EBF1: variants seen among roughly 807,000 people sequenced by gnomAD.
The protein encoded by EBF1 is transcription factor COE1.
In EBF1, 10 loss-of-function variants were observed where a neutral mutation model predicts 68.4. That is an observed-to-expected ratio of 0.15 (90% CI 0.09 to 0.25). EBF1 has a LOEUF of 0.25. Among genes scored for constraint, EBF1 ranks in the 10% least tolerant of loss-of-function variants. The pLI is 1.00. For synonymous variants in EBF1, 298 were observed against 299.8 expected, an observed-to-expected ratio of 0.99 and a Z score of 0.06; for missense variants, 509 against 794.4, an observed-to-expected ratio of 0.64 and a Z score of 4.32.
Position 158,698,992 on chromosome 5 carries a change from T to C in EBF1, c.*119A>G. The C allele has an allele frequency of 1.1e-6, 1 of 909,238 alleles. No individual in the cohort carries two copies. Among genetic ancestry groups the C allele is most frequent in the Non-Finnish European group, 1.6e-6 (1 of 618,694 alleles). 56.3% of individuals were successfully genotyped at this position (909,238 alleles called of 1,614,324 possible). On this transcript the variant is annotated 3_prime_UTR_variant, in exon 16 of 16. Transcript: ENST00000313708. The stretch of plus-strand genomic sequence containing the variant: ...ATTTTGTTTGTTTAAAAATCTGCAG[T>C]TATTGTGATTCCTCTTAAAAAGGCC...
chr5:159,059,197 A>G (rs1775337418), intron 6 of EBF1, among the ~76,000 whole-genome samples: 1 of 152,248 alleles, frequency 6.6e-6, no homozygotes. Flanking sequence ...AAGAGCTGGT[A>G]AGAAGAGAAA....
intron 6 of EBF1, among the ~76,000 whole-genome samples, chr5:158,998,596 G>C (rs183928655): frequency 2.6e-4 from 39 of 152,218 alleles, no homozygotes; most frequent in African/African-American, 9.4e-4. Flanking sequence ...TCAATCATTT[G>C]TCTATCATTT....
chr5:158,779,836 G>A (rs929694204), intron 9 of EBF1, among the ~76,000 whole-genome samples: 10 of 152,254 alleles, frequency 6.6e-5, no homozygotes, highest in African/African-American at 2.2e-4. Context: ...ACTACAGACT[G>A]AGAGTGAGGC....
chr5:159,057,879 T>C (rs1042538551), intron 6 of EBF1, among the ~76,000 whole-genome samples: 1 of 152,206 alleles, frequency 6.6e-6, no homozygotes, highest in Admixed American at 6.5e-5. Flanking sequence ...TGTGAAATGA[T>C]ACAAAAAAAT....
chr5:158,899,488 C>T (rs1802846201), intron 6 of EBF1, among the ~76,000 whole-genome samples: 1 of 152,154 alleles, frequency 6.6e-6, no homozygotes, highest in South Asian at 2.1e-4. Flanking sequence ...TTTATGAGTG[C>T]CGTGTGCACA....
Position 159,020,125 on chromosome 5 carries a change from C to A in EBF1, c.554+53271G>T, listed in dbSNP as rs1378589395. On this transcript the variant is annotated intron_variant, in intron 6 of 15. Transcript: ENST00000313708. ...CTCCTATGTCAGTCAAACTCCTTTG[C>A]CAGGATTCTAAGTGTCCTTACCTCA... is the stretch of plus-strand genomic sequence containing the variant. Among the ~76,000 whole-genome samples the A allele has an allele frequency of 3.9e-5, 6 of 152,058 alleles. No homozygotes were observed. In the East Asian group the frequency reaches 9.6e-4, roughly 24 times the overall value.
chr5:159,028,228 C>T (rs1278097173), intron 6 of EBF1, among the ~76,000 whole-genome samples: 1 of 152,090 alleles, frequency 6.6e-6, no homozygotes, highest in East Asian at 1.9e-4. Flanking sequence ...GGCATCATGG[C>T]AATAGGAGGA....
intron 6 of EBF1, among the ~76,000 whole-genome samples, chr5:158,952,789 T>A (rs545079400): frequency 1.3e-5 from 2 of 152,312 alleles, no homozygotes; most frequent in African/African-American, 4.8e-5. Context: ...GAAAATTAAT[T>A]CAATTCAGAT....
chr5:158,964,190 C>T (rs556696167), intron 6 of EBF1, among the ~76,000 whole-genome samples: 17 of 152,178 alleles, frequency 1.1e-4, no homozygotes, highest in South Asian at 6.2e-4. Flanking sequence ...TCAGAGTTCA[C>T]GGTGAGTGTG....
At chr5:158,971,512 G>T (rs1211257944) in intron 6 of EBF1, among the ~76,000 whole-genome samples, 2 of 152,034 alleles carry the variant, frequency 1.3e-5, no homozygotes, top group Non-Finnish European at 2.9e-5. Flanking sequence ...GGTTGCTTTT[G>T]CTTCGGTTGC....
intron 6 of EBF1, among the ~76,000 whole-genome samples, chr5:159,031,314 G>A (rs1487009332): frequency 6.6e-6 from 1 of 152,212 alleles, no homozygotes; most frequent in Non-Finnish European, 1.5e-5. Flanking sequence ...CCTGTATGTG[G>A]AATTCTTTAA....
At chr5:158,762,014 G>A (rs965335880) in intron 10 of EBF1, among the ~76,000 whole-genome samples, 3 of 152,140 alleles carry the variant, frequency 2.0e-5, no homozygotes, top group Non-Finnish European at 4.4e-5. Context: ...ATAAAATGGG[G>A]AGTACTTTAT....
At chr5:158,862,228 T>C (rs1416133174) in intron 6 of EBF1, among the ~76,000 whole-genome samples, 2 of 151,436 alleles carry the variant, frequency 1.3e-5, no homozygotes, top group Non-Finnish European at 2.9e-5. Flanking sequence ...GAAAAAAAAA[T>C]GTTGGCAAAG....
At chr5:158,970,310 T>C (rs1561665725) in intron 6 of EBF1, among the ~76,000 whole-genome samples, 1 of 152,194 alleles carries the variant, frequency 6.6e-6, no homozygotes, top group Non-Finnish European at 1.5e-5. Flanking sequence ...TTAATTACAC[T>C]AGCAAACCAA....
intron 10 of EBF1, among the ~76,000 whole-genome samples, chr5:158,754,731 CA>C (rs923892228): frequency 1.3e-5 from 2 of 151,966 alleles, no homozygotes; most frequent in African/African-American, 2.4e-5. Context: ...TTGACCAGAT[CA>C]AAAACACCAT....
At chr5:158,975,660 C>T (rs768114099) in intron 6 of EBF1, among the ~76,000 whole-genome samples, 7 of 152,118 alleles carry the variant, frequency 4.6e-5, no homozygotes, top group African/African-American at 7.2e-5. Flanking sequence ...TCACAAGCAA[C>T]CTACAAATGG....
chr5:158,791,643 G>A (rs772764572), intron 9 of EBF1, among the ~76,000 whole-genome samples: 2 of 151,794 alleles, frequency 1.3e-5, no homozygotes, highest in Non-Finnish European at 2.9e-5. Flanking sequence ...AAATAAAAGG[G>A]TCATGAGAGC....
At chr5:159,086,822 GT>G (rs1780721775) in intron 4 of EBF1, among the ~76,000 whole-genome samples, 1 of 152,032 alleles carries the variant, frequency 6.6e-6, no homozygotes. Context: ...CTTACTATGT[GT>G]CAAATTTTCA....
intron 8 of EBF1, among the ~76,000 whole-genome samples, chr5:158,812,624 C>T (rs1320193304): frequency 6.6e-6 from 1 of 152,140 alleles, no homozygotes; most frequent in African/African-American, 2.4e-5. Context: ...TGCCCCTCCC[C>T]CATGCATCAG....
Sources: gnomAD v4.1 joint callset for allele counts (sites outside exome capture counted in the v4.1 genomes callset) on GRCh38, gnomAD v4.1.1 for gene constraint, MANE v1.5 for transcripts, NCBI Gene and HGNC (gene_info 2026-07-23, HGNC 2026-07-21) for gene names.